The following SEC24D variants were observed in gnomAD, a reference collection of about 807,000 sequenced individuals.
SEC24D encodes the protein protein transport protein Sec24D.
SEC24D carries 69 observed loss-of-function variants against 116.9 expected under a neutral mutation model. The ratio of observed to expected loss-of-function variants is 0.59; its 90% CI spans 0.49 to 0.72. The LOEUF is 0.72. Among genes scored for constraint, SEC24D ranks in the 30% least tolerant of loss-of-function variants. The pLI, the probability that SEC24D is intolerant of heterozygous loss-of-function variation, is 0.00. For missense variants in SEC24D, 1,131 were observed against 1,264.1 expected (o/e 0.89, Z 1.60); for synonymous variants, 405 against 442.8 (o/e 0.91, Z 1.07).
intron 17 of SEC24D, among the ~76,000 whole-genome samples, chr4:118,739,724 A>T (rs1726140973): frequency 6.6e-6 from 1 of 152,242 alleles, no homozygotes; most frequent in Middle Eastern, 3.2e-3. Context: ...CATTTGAAGA[A>T]TGCATAGATA....
At chr4:118,770,283 G>A (rs937176638) in intron 8 of SEC24D, among the ~76,000 whole-genome samples, 4 of 152,146 alleles carry the variant, frequency 2.6e-5, no homozygotes, top group African/African-American at 9.7e-5. Context: ...CTCTTCAGCT[G>A]GTAATAGGAA....
intron 19 of SEC24D, among the ~76,000 whole-genome samples, chr4:118,735,297 A>G (rs942608770): frequency 2.6e-5 from 4 of 152,210 alleles, no homozygotes; most frequent in Admixed American, 6.5e-5. Flanking sequence ...ATCTTATTCA[A>G]TGTTTTTGAG....
intron 20 of SEC24D, among the ~76,000 whole-genome samples, chr4:118,732,195 C>T (rs1254085770): frequency 6.6e-6 from 1 of 152,040 alleles, no homozygotes; most frequent in East Asian, 1.9e-4. Flanking sequence ...AGGCTGGAGG[C>T]ACTATCTCGG....
chr4:118,784,675 T>C (rs1203238163), intron 8 of SEC24D, among the ~76,000 whole-genome samples: 2 of 151,744 alleles, frequency 1.3e-5, no homozygotes, highest in Non-Finnish European at 2.9e-5. Flanking sequence ...AAACAACAAA[T>C]AATATTTTAA....
chr4:118,739,493 A>G (rs536320055), intron 17 of SEC24D, among the ~76,000 whole-genome samples: 4 of 152,350 alleles, frequency 2.6e-5, no homozygotes, highest in African/African-American at 7.2e-5. Context: ...CTGGGTTTCA[A>G]TGTAGCACTT....
Position 118,732,901 on chromosome 4 carries a change from T to C in SEC24D, c.2508A>G (p.Pro836=). The C allele has an allele frequency of 6.2e-7, 1 of 1,613,404 alleles. No individual in the cohort carries two copies. Among genetic ancestry groups the C allele is most frequent in the Non-Finnish European group, 8.5e-7 (1 of 1,179,538 alleles). Residue 836 remains proline, a synonymous_variant, in exon 20 of 23, where the codon CCA becomes CCG. Coordinates refer to ENST00000280551, the MANE Select transcript of SEC24D (RefSeq NM_014822.4). ...SPSAASQLIL[P]DSMKVLPVYM... ...ACACTGGCAATACTTTCATGGAATCTGGTAGAATAAGCTGAAAAAGACAAT... is the reference window on the plus strand; with the variant it reads ...ACACTGGCAATACTTTCATGGAATCCGGTAGAATAAGCTGAAAAAGACAAT...
At chr4:118,752,657 A>G in intron 12 of SEC24D, 40 bp downstream of exon 12, 1 of 1,442,114 alleles carries the variant, frequency 6.9e-7, no homozygotes, top group East Asian at 2.4e-5. Flanking sequence ...AAGACAAAAC[A>G]CCTGATTTAC....
At chr4:118,780,104 C>A (rs765608675) in intron 8 of SEC24D, among the ~76,000 whole-genome samples, 10 of 152,148 alleles carry the variant, frequency 6.6e-5, no homozygotes, top group Non-Finnish European at 1.0e-4. Context: ...CTATCTCCTT[C>A]AGTTCTGCTC....
intron 2 of SEC24D, chr4:118,825,481 CTCTTT>C: frequency 4.5e-6 from 2 of 443,700 alleles, no homozygotes; most frequent in South Asian, 3.2e-5. Flanking sequence ...AGACATTTCT[CTCTTT>C]TCTTCTTGAG....
intron 2 of SEC24D, among the ~76,000 whole-genome samples, chr4:118,828,284 C>T (rs537812527): frequency 3.4e-3 from 517 of 152,088 alleles, no homozygotes; most frequent in African/African-American, 0.011. Flanking sequence ...AATTTATTTG[C>T]GTTTTTAGTA....
At chr4:118,764,634 C>T (rs996780383) in intron 10 of SEC24D, 168 bp downstream of exon 10, 9 of 502,764 alleles carry the variant, frequency 1.8e-5, no homozygotes, top group Non-Finnish European at 3.2e-5. Context: ...GCAGTTGAAT[C>T]ATGTTAACAA....
intron 8 of SEC24D, among the ~76,000 whole-genome samples, chr4:118,792,299 C>G (rs1217262492): frequency 6.7e-6 from 1 of 150,374 alleles, no homozygotes; most frequent in Non-Finnish European, 1.5e-5. Context: ...GGCCAGCTGC[C>G]CCGTCCGGGA....
At chr4:118,759,997 C>A (rs1727291761) in intron 10 of SEC24D, among the ~76,000 whole-genome samples, 1 of 152,156 alleles carries the variant, frequency 6.6e-6, no homozygotes. Flanking sequence ...TATAAAAAAA[C>A]ACGATAAGCT....
intron 8 of SEC24D, among the ~76,000 whole-genome samples, chr4:118,782,569 A>G (rs1399772694): frequency 6.6e-6 from 1 of 152,210 alleles, no homozygotes; most frequent in African/African-American, 2.4e-5. Context: ...GACCCACATG[A>G]GGAGGCAGTC....
At chr4:118,816,743 C>A in intron 4 of SEC24D, 1 of 447,470 alleles carries the variant, frequency 2.2e-6, no homozygotes, top group South Asian at 1.6e-5. Context: ...CCATGACTCA[C>A]AGGATATACA....
At chr4:118,779,330 C>T (rs1237310861) in intron 8 of SEC24D, among the ~76,000 whole-genome samples, 1 of 152,144 alleles carries the variant, frequency 6.6e-6, no homozygotes, top group Non-Finnish European at 1.5e-5. Context: ...TGAATTTTGT[C>T]AAAGGCCTTT....
chr4:118,814,045 T>C (rs1425311110), intron 6 of SEC24D, among the ~76,000 whole-genome samples: 1 of 152,230 alleles, frequency 6.6e-6, no homozygotes, highest in Non-Finnish European at 1.5e-5. Flanking sequence ...TATGGTAGCT[T>C]TTCCTGCTCC....
chr4:118,803,682 C>T (rs1252196961), intron 7 of SEC24D, among the ~76,000 whole-genome samples: 1 of 152,164 alleles, frequency 6.6e-6, no homozygotes, highest in Non-Finnish European at 1.5e-5. Flanking sequence ...GTTAAGAACA[C>T]AGGCACTTGC....
intron 8 of SEC24D, among the ~76,000 whole-genome samples, chr4:118,792,916 A>C (rs906852671): frequency 3.3e-5 from 5 of 152,194 alleles, no homozygotes; most frequent in East Asian, 1.9e-4. Flanking sequence ...CAAAACAAAA[A>C]AACATAATTT....
Sources: allele counts gnomAD v4.1 joint callset (sites outside exome capture counted in the v4.1 genomes callset), GRCh38; gene constraint gnomAD v4.1.1; transcripts MANE v1.5; gene names NCBI Gene and HGNC (gene_info 2026-07-23, HGNC 2026-07-21).